Variants in PSKH2 observed in about 807,000 individuals in gnomAD.
PSKH2 encodes the protein protein serine kinase H2.
A neutral mutation model predicts 22.5 loss-of-function variants in PSKH2; 16 were observed. That is an observed-to-expected ratio of 0.71 (90% CI 0.48 to 1.08). PSKH2 has a LOEUF of 1.08. PSKH2 is among the 50% of genes least tolerant of loss of function. The pLI is 0.00. For synonymous variants in PSKH2, 188 were observed against 184.8 expected, an observed-to-expected ratio of 1.02 and a Z score of -0.14; for missense variants, 516 against 492.8, an observed-to-expected ratio of 1.05 and a Z score of -0.44.
chr8:86,055,689 G>T (rs1817689810), intron 2 of PSKH2, among the ~76,000 whole-genome samples: 1 of 152,142 alleles, frequency 6.6e-6, no homozygotes, highest in Non-Finnish European at 1.5e-5. Context: ...GATGGAAAGA[G>T]AATTAAAGTA....
At position 86,048,537 on chromosome 8, in the gene PSKH2, A is replaced by C. The variant is rs370632178; in HGVS notation, c.1083T>G (p.Tyr361Ter). The change falls in exon 3 of 3, where the codon TAT (tyrosine) becomes TAG (stop). Residue 361 changes from tyrosine to a stop codon, truncating the protein, a stop_gained. Transcript: ENST00000276616. LOFTEE classifies it low-confidence loss of function (END_TRUNC). ...PGSAQSSKSH[Y>*]SHKSRHMWSK... ...TCCACATATGCCTGGATTTGTGAGA[A>C]TAATGTGACTTAGAAGACTGTGCAG... 4.3e-6 allele frequency: 7 copies of C among 1,613,992 alleles called. No homozygotes were observed. The African/African-American group carries it at 9.3e-5, about 22-fold the overall frequency.
intron 1 of PSKH2, among the ~76,000 whole-genome samples, chr8:86,068,191 T>C (rs1224431404): frequency 6.6e-6 from 1 of 152,214 alleles, no homozygotes; most frequent in Non-Finnish European, 1.5e-5. Flanking sequence ...GGAGTCACTG[T>C]ACTAAAAGTT....
chr8:86,064,846 CA>C (rs1244548272), intron 1 of PSKH2, among the ~76,000 whole-genome samples: 2 of 152,086 alleles, frequency 1.3e-5, no homozygotes, highest in Admixed American at 6.5e-5. Context: ...GGTAGAAAGA[CA>C]ATCTTAATAC....
chr8:86,053,670 C>G (rs546486652), intron 2 of PSKH2, among the ~76,000 whole-genome samples: 1 of 152,222 alleles, frequency 6.6e-6, no homozygotes, highest in Non-Finnish European at 1.5e-5. Flanking sequence ...TAAAGAATGA[C>G]TAATATTCCT....
At chr8:86,056,532 A>G (rs1026771236) in intron 2 of PSKH2, among the ~76,000 whole-genome samples, 2 of 152,202 alleles carry the variant, frequency 1.3e-5, no homozygotes, top group Admixed American at 6.5e-5. Context: ...TCCATGTAAA[A>G]GATTTAAAAG....
intron 1 of PSKH2, chr8:86,066,625 C>T (rs1817863366): frequency 6.6e-6 from 1 of 152,094 alleles, no homozygotes; most frequent in African/African-American, 2.4e-5. Context: ...AATGCAAATA[C>T]TAAACTATGC....
chr8:86,052,340 A>G (rs1446142091), intron 2 of PSKH2, among the ~76,000 whole-genome samples: 3 of 152,186 alleles, frequency 2.0e-5, no homozygotes, highest in Non-Finnish European at 4.4e-5. Context: ...AGTCTCAGGT[A>G]GACATGACCC....
rs758570269 is a variant in PSKH2 at position 86,069,590 on chromosome 8, C to G, written c.33G>C (p.Pro11=). 9 of 1,595,190 alleles carry G rather than the reference C, an allele frequency of 5.6e-6. No individual in the cohort carries two copies. The South Asian group carries it at 1.0e-4, about 18-fold the overall frequency. The part of the protein sequence containing the change: MGCGASRKVV[P]GPPALAWAKH... ...TGGCCCAAGCCAGCGCTGGTGGCCC[C>G]GGGACCACCTTCCTGCTGGCGCCGC... Residue 11 remains proline (P), a synonymous_variant, in exon 1 of 3, where the codon CCG becomes CCC. Coordinates refer to ENST00000276616, the MANE Select transcript of PSKH2 (RefSeq NM_033126.3).
In PSKH2 at chr8:86,067,976, G is replaced by T. The variant is rs549064243; in HGVS notation, c.185+1462C>A. 8.5e-5 allele frequency among the ~76,000 whole-genome samples: 13 copies of T among 152,198 alleles called. No homozygotes were observed. The South Asian group carries it at 2.7e-3, about 32-fold the overall frequency. ...TTCTGTGATGCCTTTACACTCTATG[G>T]GGCTGGGTCTACCCCTGGATTGGGA... On this transcript the variant is annotated intron_variant, in intron 1 of 2. Transcript: ENST00000276616.
intron 2 of PSKH2, among the ~76,000 whole-genome samples, chr8:86,057,246 T>C (rs938106884): frequency 1.3e-5 from 2 of 150,740 alleles, no homozygotes; most frequent in African/African-American, 2.5e-5. Flanking sequence ...TTAATTATTA[T>C]ATTATACAGT....
intron 2 of PSKH2, among the ~76,000 whole-genome samples, chr8:86,061,680 TGA>T (rs1010467628): frequency 1.3e-5 from 2 of 151,938 alleles, no homozygotes; most frequent in African/African-American, 4.8e-5. Flanking sequence ...ATAGAAAGAA[TGA>T]GAGAGAAAGG....
intron 2 of PSKH2, among the ~76,000 whole-genome samples, chr8:86,062,175 T>C (rs929859005): frequency 1.3e-5 from 2 of 152,204 alleles, no homozygotes; most frequent in African/African-American, 2.4e-5. Context: ...TGGCAGTATA[T>C]TGTGAAAATT....
chr8:86,052,163 A>C (rs1430472491), intron 2 of PSKH2, among the ~76,000 whole-genome samples: 1 of 152,170 alleles, frequency 6.6e-6, no homozygotes, highest in East Asian at 1.9e-4. Flanking sequence ...CATAGGTTGA[A>C]TCGAATACCC....
chr8:86,060,933 C>T (rs561193693), intron 2 of PSKH2, among the ~76,000 whole-genome samples: 61 of 152,262 alleles, frequency 4.0e-4, no homozygotes, highest in Non-Finnish European at 8.1e-4. Context: ...TATGCATGCA[C>T]GCACCCTTCT....
In PSKH2 at chr8:86,064,564, T is replaced by C; in HGVS notation, c.253A>G (p.Thr85Ala). 6.2e-7 allele frequency: 1 copy of C among 1,614,094 alleles called. No homozygotes were observed. Among genetic ancestry groups the C allele is most frequent in the Non-Finnish European group, 8.5e-7 (1 of 1,180,002 alleles). Residue 85 changes from threonine (T) to alanine (A), a missense_variant, in exon 2 of 3, where the codon ACC (threonine) becomes GCC (alanine). Coordinates refer to ENST00000276616, the MANE Select transcript of PSKH2 (RefSeq NM_033126.3). ...SRVVRVEQKTTKKPFAIKVME... is the reference protein window; with the variant it reads ...SRVVRVEQKTAKKPFAIKVME... Reference sequence around the variant, plus strand: ...ACTTTTATTGCAAAAGGTTTCTTGGTGGTCTTCTGCTCTACCCTGACAACC... The same window carrying C: ...ACTTTTATTGCAAAAGGTTTCTTGGCGGTCTTCTGCTCTACCCTGACAACC...
rs186676403 is a variant in PSKH2, at chr8:86,054,758, A to C, written c.853-5991T>G. Among the ~76,000 whole-genome samples, 188 of 152,326 alleles carry C rather than the reference A, an allele frequency of 1.2e-3. 1 individual carries two copies. The highest frequency in any genetic ancestry group is 4.3e-3 in the African/African-American group (180 of 41,576). On this transcript the variant is annotated intron_variant, in intron 2 of 2. Transcript: ENST00000276616. Reference sequence around the variant, plus strand: ...TAATTTTAAAATGGAAAGTTAATTAATCTTACACTAGGCTCATAAAGAGTT... The same window carrying C: ...TAATTTTAAAATGGAAAGTTAATTACTCTTACACTAGGCTCATAAAGAGTT...
rs35315725 is a variant in PSKH2, at chr8:86,064,581, C to T, written c.236G>A (p.Arg79Lys). The change falls in exon 2 of 3, where the codon AGG (arginine) becomes AAG (lysine). Residue 79 changes from arginine (R) to lysine (K), a missense_variant. Physicochemically the swap from Arg to Lys is conservative, Grantham distance 26. Transcript: ENST00000276616. ...TTTCTTGGTGGTCTTCTGCTCTACC[C>T]TGACAACCCTGCTGAAACTGCCTGT... is the stretch of plus-strand genomic sequence containing the variant. The part of the protein sequence containing the change: ...IGTGSFSRVV[R>K]VEQKTTKKPF... The T allele has an allele frequency of 0.014, 22,166 of 1,613,944 alleles. 187 individuals are homozygous for T. Among genetic ancestry groups the T allele is most frequent in the Non-Finnish European group, 0.016 (19,046 of 1,179,944 alleles).
chr8:86,061,396 G>C (rs116806323), intron 2 of PSKH2, among the ~76,000 whole-genome samples: 11 of 152,014 alleles, frequency 7.2e-5, no homozygotes, highest in African/African-American at 2.7e-4. Flanking sequence ...ATAGTATCTA[G>C]TCCAAATATG....
chr8:86,065,514 A>G (rs1817842993), intron 1 of PSKH2, among the ~76,000 whole-genome samples: 1 of 152,208 alleles, frequency 6.6e-6, no homozygotes, highest in African/African-American at 2.4e-5. Context: ...ATTATCCCAC[A>G]AAAAGGCCAA....
Sources: allele counts gnomAD v4.1 joint callset (sites outside exome capture counted in the v4.1 genomes callset), GRCh38; gene constraint gnomAD v4.1.1; transcripts MANE v1.5; gene names NCBI Gene and HGNC (gene_info 2026-07-23, HGNC 2026-07-21).